Variants in TRIQK observed in about 807,000 individuals in gnomAD.
The protein encoded by TRIQK is triple QxxK/R motif containing, also known as triple QxxK/R motif-containing protein.
In TRIQK, 10 loss-of-function variants were observed where a neutral mutation model predicts 10.8. The ratio of observed to expected loss-of-function variants is 0.92; its 90% CI spans 0.57 to 1.57. TRIQK has a LOEUF of 1.57. Ranked by LOEUF, TRIQK falls within the 40% of genes most tolerant of loss-of-function variation. The probability of loss-of-function intolerance (pLI) is 0.00; values close to 1 mark genes in which losing one functional copy is unlikely to be tolerated. For missense variants in TRIQK, 107 were observed against 97.7 expected (o/e 1.09, Z -0.40); for synonymous variants, 33 against 33.7 (o/e 0.98, Z 0.07).
intron 2 of TRIQK, chr8:92,922,740 G>C (rs372518893): frequency 4.0e-5 from 6 of 151,666 alleles, no homozygotes; most frequent in Admixed American, 1.3e-4. Context: ...TTTCAGAGGG[G>C]CCTATGCTTT....
chr8:92,893,723 C>T lies in TRIQK; in HGVS notation c.62-1649G>A, dbSNP rs535264003. Among the ~76,000 whole-genome samples, 342 of 151,904 alleles carry T rather than the reference C, an allele frequency of 2.3e-3. 2 individuals carry two copies. Among genetic ancestry groups the T allele is most frequent in the African/African-American group, 7.5e-3 (313 of 41,464 alleles). ...AAAATGGTGACACATCAAAGGCCTC[C>T]GGTCAGGGTTACCAAGCAAGTTTCT... On this transcript the variant is annotated intron_variant, in intron 3 of 4. Transcript: ENST00000521988.
chr8:92,959,394 C>T (rs1041512445), intron 1 of TRIQK, among the ~76,000 whole-genome samples: 2 of 151,354 alleles, frequency 1.3e-5, no homozygotes, highest in Non-Finnish European at 2.9e-5. Flanking sequence ...CTCATGCAAA[C>T]AATGTTTTAT....
rs539776951 is a variant in TRIQK at position 92,993,039 on chromosome 8, G to A, written c.-181+24570C>T. On this transcript the variant is annotated intron_variant, in intron 1 of 4. Coordinates refer to the TRIQK transcript ENST00000520686. ...GGTCAAAAGGAACCTATGAAGAGAA[G>A]CCATCAATATCCTGAATTCTAGGAT... Among the ~76,000 whole-genome samples the A allele has an allele frequency of 2.6e-5, 4 of 152,248 alleles. No homozygotes were observed. In the South Asian group the frequency reaches 8.3e-4, roughly 32 times the overall value.
chr8:92,968,815 A>C (rs1016434101), upstream of TRIQK, among the ~76,000 whole-genome samples: 1 of 152,018 alleles, frequency 6.6e-6, no homozygotes, highest in African/African-American at 2.4e-5. Flanking sequence ...ATTAGATCCC[A>C]TTTGTCAATT....
intron 3 of TRIQK, among the ~76,000 whole-genome samples, chr8:92,905,488 C>A (rs1474518960): frequency 2.6e-5 from 4 of 152,208 alleles, no homozygotes; most frequent in South Asian, 4.1e-4. Context: ...GAGGACATTG[C>A]AATTGCGATG....
intron 3 of TRIQK, among the ~76,000 whole-genome samples, chr8:92,904,395 G>A (rs1223546533): frequency 6.6e-6 from 1 of 152,102 alleles, no homozygotes; most frequent in Non-Finnish European, 1.5e-5. Context: ...ACTATATGAT[G>A]AATAACTTTG....
rs1816463942 is a variant in TRIQK at position 92,886,129 on chromosome 8, T to G, written c.*493A>C. ...TTATGGTAGATGTATGTGCAGATAG[T>G]CTCTCTAATGATGTAAAATACGTCC... On this transcript the variant is annotated 3_prime_UTR_variant, in exon 5 of 5. Transcript: ENST00000521988. The G allele has an allele frequency of 6.6e-6, 1 of 151,864 alleles. No individual in the cohort carries two copies. Among genetic ancestry groups the G allele is most frequent in the Admixed American group, 6.6e-5 (1 of 15,170 alleles). 9.4% of individuals were successfully genotyped at this position (151,864 alleles called of 1,614,324 possible).
At chr8:93,015,214 T>C (rs1018616035) in intron 1 of TRIQK, among the ~76,000 whole-genome samples, 4 of 151,892 alleles carry the variant, frequency 2.6e-5, no homozygotes, top group African/African-American at 7.2e-5. Context: ...ACTTAGATGC[T>C]TTTCAAAAAG....
At chr8:92,898,837 A>G (rs1372619893) in intron 3 of TRIQK, among the ~76,000 whole-genome samples, 61 of 39,320 alleles carry the variant, frequency 1.6e-3, no homozygotes, top group East Asian at 2.8e-3. Flanking sequence ...GTGTGTGTAT[A>G]TATATATATA....
At chr8:93,011,212 A>G (rs1172621521) in intron 1 of TRIQK, among the ~76,000 whole-genome samples, 1 of 151,368 alleles carries the variant, frequency 6.6e-6, no homozygotes, top group Non-Finnish European at 1.5e-5. Context: ...ACACATATAT[A>G]TATATATATA....
chr8:92,905,454 T>C (rs1341209189), intron 3 of TRIQK, among the ~76,000 whole-genome samples: 1 of 152,208 alleles, frequency 6.6e-6, no homozygotes, highest in Non-Finnish European at 1.5e-5. Flanking sequence ...AAAATTAATA[T>C]TGTGGTAATC....
intron 2 of TRIQK, among the ~76,000 whole-genome samples, chr8:92,931,176 T>C (rs1402437247): frequency 1.3e-5 from 2 of 152,204 alleles, no homozygotes; most frequent in Non-Finnish European, 2.9e-5. Flanking sequence ...TACATCTGTG[T>C]TCAGTGTAAA....
intron 3 of TRIQK, among the ~76,000 whole-genome samples, chr8:92,902,064 A>T (rs939290840): frequency 6.6e-6 from 1 of 151,994 alleles, no homozygotes; most frequent in Admixed American, 6.6e-5. Flanking sequence ...TTATTTCTGA[A>T]ATATCACTTG....
At chr8:93,001,493 A>G (rs939150349) in intron 1 of TRIQK, among the ~76,000 whole-genome samples, 1 of 152,208 alleles carries the variant, frequency 6.6e-6, no homozygotes, top group South Asian at 2.1e-4. Flanking sequence ...CTAAATTTAT[A>G]CCAGATAAAA....
chr8:93,008,438 C>T (rs2130761640), intron 1 of TRIQK, among the ~76,000 whole-genome samples: 1 of 152,204 alleles, frequency 6.6e-6, no homozygotes, highest in South Asian at 2.1e-4. Context: ...TAGATGACTA[C>T]ATTTTGATAT....
intron 1 of TRIQK, among the ~76,000 whole-genome samples, chr8:93,017,333 T>C (rs181984281): frequency 2.2e-4 from 33 of 152,232 alleles, no homozygotes; most frequent in Admixed American, 2.6e-4. Flanking sequence ...CATCTGGAGA[T>C]GAAAATATCA....
At chr8:92,989,142 T>A (rs1304514651) in intron 1 of TRIQK, among the ~76,000 whole-genome samples, 1 of 152,190 alleles carries the variant, frequency 6.6e-6, no homozygotes, top group Non-Finnish European at 1.5e-5. Flanking sequence ...TCTATAAATA[T>A]GTTTTATTTT....
upstream of TRIQK, among the ~76,000 whole-genome samples, chr8:92,967,111 ATT>A (rs1434937260): frequency 2.0e-5 from 3 of 151,890 alleles, no homozygotes; most frequent in Non-Finnish European, 4.4e-5. Context: ...CTCCTAAATC[ATT>A]TTCTGGTCTC....
intron 1 of TRIQK, among the ~76,000 whole-genome samples, chr8:93,017,124 AGAGAGAG>A (rs1813391872): frequency 1.1e-4 from 4 of 37,076 alleles, no homozygotes; most frequent in African/African-American, 4.3e-4. Context: ...AGAGAGAGAG[AGAGAGAG>A]AGAGAGAGAG....
Sources: gnomAD v4.1 joint callset for allele counts (sites outside exome capture counted in the v4.1 genomes callset) on GRCh38, gnomAD v4.1.1 for gene constraint, MANE v1.5 for transcripts, NCBI Gene and HGNC (gene_info 2026-07-23, HGNC 2026-07-21) for gene names.